NRG1: variants seen among roughly 807,000 people sequenced by gnomAD.
NRG1 encodes pro-neuregulin-1, membrane-bound isoform.
Under a neutral mutation model 63.8 loss-of-function variants are expected in NRG1, and 18 were observed. That is an observed-to-expected ratio of 0.28 (90% CI 0.19 to 0.42). NRG1 has a LOEUF of 0.42. Among genes scored for constraint, NRG1 ranks in the 10% least tolerant of loss-of-function variants. The probability of loss-of-function intolerance (pLI) is 1.00; values close to 1 mark genes in which losing one functional copy is unlikely to be tolerated. For synonymous variants in NRG1, 302 were observed against 301.3 expected, an observed-to-expected ratio of 1.00 and a Z score of -0.02; for missense variants, 762 against 814.7, an observed-to-expected ratio of 0.94 and a Z score of 0.79.
chr8:32,057,833 T>G (rs939809518), intron 1 of NRG1, among the ~76,000 whole-genome samples: 7 of 152,114 alleles, frequency 4.6e-5, no homozygotes, highest in African/African-American at 1.7e-4. Flanking sequence ...CCTCCTGGGC[T>G]TTGTCCTTCT....
At chr8:32,672,009 G>A (rs1402702689) in intron 5 of NRG1, among the ~76,000 whole-genome samples, 1 of 151,492 alleles carries the variant, frequency 6.6e-6, no homozygotes, top group Non-Finnish European at 1.5e-5. Flanking sequence ...GGAAACTAGA[G>A]CCATTCTGAC....
intron 1 of NRG1, among the ~76,000 whole-genome samples, chr8:32,240,336 T>A (rs1292793593): frequency 6.6e-6 from 1 of 152,200 alleles, no homozygotes. Context: ...TTTATTTATA[T>A]AATATTCTTG....
chr8:32,573,018 C>T (rs1563677911), intron 1 of NRG1, among the ~76,000 whole-genome samples: 1 of 152,162 alleles, frequency 6.6e-6, no homozygotes, highest in South Asian at 2.1e-4. Flanking sequence ...TTGCCTGAAC[C>T]GAGTAATGGC....
intron 1 of NRG1, among the ~76,000 whole-genome samples, chr8:31,925,144 G>A (rs377021733): frequency 1.6e-4 from 2 of 12,738 alleles, no homozygotes; most frequent in Non-Finnish European, 2.0e-3. Context: ...GTGTGTGTGT[G>A]TGTATACATA....
chr8:31,852,775 T>C (rs1296719804), intron 1 of NRG1, among the ~76,000 whole-genome samples: 2 of 152,314 alleles, frequency 1.3e-5, no homozygotes, highest in East Asian at 3.9e-4. Flanking sequence ...CCATCTTGGA[T>C]TGATTTTTGT....
intron 1 of NRG1, among the ~76,000 whole-genome samples, chr8:31,969,490 C>T (rs375895096): frequency 6.6e-6 from 1 of 152,112 alleles, no homozygotes; most frequent in African/African-American, 2.4e-5. Flanking sequence ...CTAATGATCT[C>T]AGAAGGGGCC....
chr8:32,065,445 C>G (rs1824613152), intron 1 of NRG1, among the ~76,000 whole-genome samples: 1 of 152,090 alleles, frequency 6.6e-6, no homozygotes, highest in Non-Finnish European at 1.5e-5. Flanking sequence ...TGAGTGAGAA[C>G]ATGTGGTGTT....
At chr8:32,386,324 A>G (rs1811022724) in intron 1 of NRG1, among the ~76,000 whole-genome samples, 1 of 152,204 alleles carries the variant, frequency 6.6e-6, no homozygotes, top group South Asian at 2.1e-4. Context: ...GCAAAGAGGA[A>G]AACTAAATCA....
intron 1 of NRG1, among the ~76,000 whole-genome samples, chr8:32,536,149 A>G (rs1831943806): frequency 6.6e-6 from 1 of 152,208 alleles, no homozygotes; most frequent in Non-Finnish European, 1.5e-5. Flanking sequence ...ACAGCATAGC[A>G]AAGTCCTGTT....
intron 1 of NRG1, among the ~76,000 whole-genome samples, chr8:31,937,798 C>T (rs945003423): frequency 2.0e-5 from 3 of 152,020 alleles, no homozygotes; most frequent in Admixed American, 1.3e-4. Flanking sequence ...AGCCATAATC[C>T]CCCTGGGAAT....
intron 6 of NRG1, 46 bp downstream of exon 6, chr8:32,728,124 T>G (rs781062276): frequency 1.2e-5 from 19 of 1,608,256 alleles, no homozygotes; most frequent in Non-Finnish European, 1.6e-5. Context: ...TAACTCCTTG[T>G]TTCAGATGAT....
chr8:32,613,806 T>C (rs773670524), intron 3 of NRG1, among the ~76,000 whole-genome samples: 18 of 152,052 alleles, frequency 1.2e-4, no homozygotes, highest in Non-Finnish European at 2.4e-4. Context: ...TTTTCAGAAC[T>C]GAATATGGAA....
intron 1 of NRG1, among the ~76,000 whole-genome samples, chr8:32,083,337 G>A (rs1343528709): frequency 6.6e-6 from 1 of 152,192 alleles, no homozygotes; most frequent in Non-Finnish European, 1.5e-5. Context: ...CAAGTGTGTT[G>A]GGTTGGCCTT....
chr8:32,706,636 T>G (rs1254166323), intron 5 of NRG1, among the ~76,000 whole-genome samples: 1 of 152,104 alleles, frequency 6.6e-6, no homozygotes, highest in African/African-American at 2.4e-5. Context: ...AATATTTGAT[T>G]GACAGTTTCA....
At chr8:32,537,290 C>T (rs1280216541) in intron 1 of NRG1, among the ~76,000 whole-genome samples, 1 of 149,918 alleles carries the variant, frequency 6.7e-6, no homozygotes, top group Non-Finnish European at 1.5e-5. Context: ...CTCCTCTTAC[C>T]TTCTGCTGCC....
intron 5 of NRG1, among the ~76,000 whole-genome samples, chr8:32,709,201 T>G (rs1244222528): frequency 2.6e-5 from 4 of 152,144 alleles, no homozygotes; most frequent in African/African-American, 9.7e-5. Flanking sequence ...ATGTTAATGG[T>G]GCATTTGAAA....
At chr8:32,052,083 G>A (rs370169922) in intron 1 of NRG1, among the ~76,000 whole-genome samples, 4 of 152,182 alleles carry the variant, frequency 2.6e-5, no homozygotes, top group African/African-American at 7.2e-5. Context: ...GAAATGTTGA[G>A]TTGGGGTTTC....
intron 1 of NRG1, among the ~76,000 whole-genome samples, chr8:32,514,725 G>T (rs751542021): frequency 1.3e-5 from 2 of 151,984 alleles, no homozygotes; most frequent in African/African-American, 2.4e-5. Context: ...CTTTGATTAG[G>T]CTTGAAAATT....
chr8:31,782,528 G>A (rs1214668678), intron 1 of NRG1, among the ~76,000 whole-genome samples: 4 of 152,146 alleles, frequency 2.6e-5, no homozygotes, highest in Non-Finnish European at 5.9e-5. Flanking sequence ...TGCCTGACAT[G>A]TAATGGAACT....
Sources: allele counts gnomAD v4.1 joint callset (sites outside exome capture counted in the v4.1 genomes callset), GRCh38; gene constraint gnomAD v4.1.1; transcripts MANE v1.5; gene names NCBI Gene and HGNC (gene_info 2026-07-23, HGNC 2026-07-21).